CNTNAP5: variants seen among roughly 807,000 people sequenced by gnomAD.
The protein encoded by CNTNAP5 is contactin-associated protein-like 5.
Under a neutral mutation model 150.2 loss-of-function variants are expected in CNTNAP5, and 72 were observed. The observed-to-expected ratio is 0.48, with a 90% CI of 0.40 to 0.58. CNTNAP5 has a LOEUF of 0.58. CNTNAP5 is among the 20% of genes least tolerant of loss of function. The pLI, the probability that CNTNAP5 is intolerant of heterozygous loss-of-function variation, is 0.00. For missense variants in CNTNAP5, 1,636 were observed against 1,626.2 expected (o/e 1.01, Z -0.10); for synonymous variants, 672 against 619.8 (o/e 1.08, Z -1.25).
intron 13 of CNTNAP5, among the ~76,000 whole-genome samples, chr2:124,724,392 C>T (rs1266841990): frequency 1.3e-5 from 2 of 152,042 alleles, no homozygotes; most frequent in Non-Finnish European, 2.9e-5. Flanking sequence ...CCTCCAGGAA[C>T]CTCCACGTAT....
intron 3 of CNTNAP5, among the ~76,000 whole-genome samples, chr2:124,305,466 A>C (rs1688664674): frequency 6.6e-6 from 1 of 152,214 alleles, no homozygotes; most frequent in Non-Finnish European, 1.5e-5. Context: ...GTTGAAAGCA[A>C]GACCCTAAAA....
intron 21 of CNTNAP5, among the ~76,000 whole-genome samples, chr2:124,888,465 G>A (rs1201285949): frequency 6.6e-6 from 1 of 151,972 alleles, no homozygotes; most frequent in East Asian, 1.9e-4. Flanking sequence ...TATATACCTA[G>A]TAATGGGATT....
At chr2:124,876,155 C>T (rs955234602) in intron 21 of CNTNAP5, among the ~76,000 whole-genome samples, 1 of 152,000 alleles carries the variant, frequency 6.6e-6, no homozygotes, top group Admixed American at 6.6e-5. Context: ...AGAAAACCTC[C>T]CACTTTTAAA....
intron 19 of CNTNAP5, among the ~76,000 whole-genome samples, chr2:124,800,216 T>C: frequency 6.6e-6 from 1 of 152,220 alleles, no homozygotes; most frequent in East Asian, 1.9e-4. Flanking sequence ...CATAGTAAGA[T>C]GGTTGGTTAC....
chr2:124,231,689 T>A (rs942753592), intron 2 of CNTNAP5, among the ~76,000 whole-genome samples: 5 of 152,284 alleles, frequency 3.3e-5, no homozygotes, highest in African/African-American at 1.2e-4. Context: ...AAAACTAACC[T>A]TGACCTGGAT....
intron 3 of CNTNAP5, among the ~76,000 whole-genome samples, chr2:124,408,328 G>C (rs1205688780): frequency 1.3e-5 from 2 of 152,216 alleles, no homozygotes; most frequent in African/African-American, 4.8e-5. Context: ...CCATTGCCCA[G>C]GCTTGCTTAG....
chr2:124,810,475 G>A (rs1275121366), intron 19 of CNTNAP5, among the ~76,000 whole-genome samples: 1 of 152,100 alleles, frequency 6.6e-6, no homozygotes, highest in Non-Finnish European at 1.5e-5. Flanking sequence ...GGACACAGGA[G>A]GACAGTTAAA....
intron 1 of CNTNAP5, among the ~76,000 whole-genome samples, chr2:124,184,108 G>A (rs1022334319): frequency 6.6e-6 from 1 of 152,150 alleles, no homozygotes; most frequent in African/African-American, 2.4e-5. Context: ...AGGTCGAGGA[G>A]TTTTTGAGTG....
rs201409789 is a variant in CNTNAP5, at chr2:124,224,912, C to T, written c.187+3103C>T. 1.6e-4 allele frequency among the ~76,000 whole-genome samples: 25 copies of T among 152,220 alleles called. No individual in the cohort carries two copies. The East Asian group carries it at 4.6e-3, about 28-fold the overall frequency. On this transcript the variant is annotated intron_variant, in intron 2 of 23. Transcript: ENST00000682447. ...ATGTCCTGTCTATGCACTGACATGG[C>T]TTAGAAGCAATTATAACACTGTCTC...
At chr2:124,649,411 C>T (rs918590892) in intron 13 of CNTNAP5, among the ~76,000 whole-genome samples, 1 of 152,120 alleles carries the variant, frequency 6.6e-6, no homozygotes, top group Non-Finnish European at 1.5e-5. Context: ...CAGAAATGCC[C>T]TTCCCTCTTC....
chr2:124,671,230 T>C (rs1200827491), intron 13 of CNTNAP5, among the ~76,000 whole-genome samples: 3 of 152,210 alleles, frequency 2.0e-5, no homozygotes, highest in Non-Finnish European at 4.4e-5. Context: ...AAGCTAAGCA[T>C]AGGCATAGAA....
chr2:124,519,858 A>G (rs1405447383), intron 8 of CNTNAP5, among the ~76,000 whole-genome samples: 1 of 151,986 alleles, frequency 6.6e-6, no homozygotes, highest in African/African-American at 2.4e-5. Context: ...AGCCTATTTA[A>G]CTCTCTCTCT....
At chr2:124,192,968 G>C (rs988477023) in intron 1 of CNTNAP5, among the ~76,000 whole-genome samples, 1 of 152,160 alleles carries the variant, frequency 6.6e-6, no homozygotes, top group African/African-American at 2.4e-5. Context: ...TGAAGCCTCT[G>C]AGAGAGGACC....
Position 124,914,561 on chromosome 2 carries a change from G to C in CNTNAP5, c.*273G>C, listed in dbSNP as rs552826620. ...CATTCAAGACAAGGAAGAGACACATGTGTGCACTCCTGCATGTTCAGTTCT... is the reference window on the plus strand; with the variant it reads ...CATTCAAGACAAGGAAGAGACACATCTGTGCACTCCTGCATGTTCAGTTCT... On this transcript the variant is annotated 3_prime_UTR_variant, in exon 24 of 24. Transcript: ENST00000682447. 2 of 399,716 alleles carry C rather than the reference G, an allele frequency of 5.0e-6. No individual in the cohort carries two copies. The highest frequency in any genetic ancestry group is 9.2e-6 in the Non-Finnish European group (2 of 216,512). The allele number at this position is 399,716 out of a possible 1,614,324, so 24.8% of individuals were successfully genotyped here. A position where few individuals can be genotyped will look rare whatever the true frequency, so the allele number is the denominator to read the frequency against.
intron 1 of CNTNAP5, among the ~76,000 whole-genome samples, chr2:124,217,953 C>G (rs1022812550): frequency 1.3e-5 from 2 of 152,018 alleles, no homozygotes; most frequent in African/African-American, 4.8e-5. Flanking sequence ...AGAGAAGAAA[C>G]AAATCTAGGA....
chr2:124,601,983 G>A (rs12711682), intron 11 of CNTNAP5, among the ~76,000 whole-genome samples: 84,083 of 151,948 alleles, frequency 0.55, 23,845 homozygotes, highest in Non-Finnish European at 0.59. Context: ...TCAATATCCC[G>A]TATTACAGCA....
chr2:124,911,846 G>C (rs866608726), intron 23 of CNTNAP5, among the ~76,000 whole-genome samples: 1 of 152,092 alleles, frequency 6.6e-6, no homozygotes, highest in East Asian at 1.9e-4. Context: ...AGTTTTCACT[G>C]TTTCTAAAAT....
intron 19 of CNTNAP5, among the ~76,000 whole-genome samples, chr2:124,861,345 G>A (rs1188605681): frequency 6.6e-6 from 1 of 152,006 alleles, no homozygotes; most frequent in African/African-American, 2.4e-5. Context: ...GGCTGAGACG[G>A]GTGGATCACC....
At chr2:124,749,889 C>T (rs1224174246) in intron 14 of CNTNAP5, among the ~76,000 whole-genome samples, 1 of 152,140 alleles carries the variant, frequency 6.6e-6, no homozygotes. Context: ...AAAGCGTGGC[C>T]TTATATCCCT....
Sources: gnomAD v4.1 joint callset for allele counts (sites outside exome capture counted in the v4.1 genomes callset) on GRCh38, gnomAD v4.1.1 for gene constraint, MANE v1.5 for transcripts, NCBI Gene and HGNC (gene_info 2026-07-23, HGNC 2026-07-21) for gene names.